NCF2: variants seen among roughly 807,000 people sequenced by gnomAD.
NCF2 encodes neutrophil cytosol factor 2.
In NCF2, 45 loss-of-function variants were observed where a neutral mutation model predicts 70.9. The observed-to-expected ratio is 0.63, with a 90% CI of 0.50 to 0.81. NCF2 has a LOEUF of 0.81. Among genes scored for constraint, NCF2 ranks in the 40% least tolerant of loss-of-function variants. NCF2 has a pLI of 0.00. For missense variants in NCF2, 522 were observed against 631.6 expected (o/e 0.83, Z 1.86); for synonymous variants, 203 against 233.6 (o/e 0.87, Z 1.19).
Position 183,557,802 on chromosome 1 carries a change from G to A in NCF2, c.1469-1572C>T, listed in dbSNP as rs995532752. On this transcript the variant is annotated intron_variant, in intron 14 of 14. Transcript: ENST00000367535. ...AGGCACCTTTAAAGTGGCACTTGGA[G>A]GTGTTCAACCCAGTTCTTCCCACTG... Among the ~76,000 whole-genome samples, 3 of 152,108 alleles carry A rather than the reference G, an allele frequency of 2.0e-5. No individual in the cohort carries two copies. In the South Asian group the frequency reaches 6.2e-4, roughly 32 times the overall value.
intron 2 of NCF2, 103 bp downstream of exon 2, chr1:183,586,792 A>G: frequency 9.5e-7 from 1 of 1,047,970 alleles, no homozygotes; most frequent in Non-Finnish European, 1.5e-6. Context: ...ACATTTCCCA[A>G]CAGAGGTTGG....
At position 183,567,210 on chromosome 1, in the gene NCF2, G is replaced by A. The variant is rs767437169; in HGVS notation, c.849C>T (p.Asn283=). Residue 283 remains asparagine, a synonymous_variant, in exon 8 of 15, where the codon AAC becomes AAT. Transcript: ENST00000367535. ...GNDNWATVMF[N]GQKGLVPCNY... is the part of the protein sequence containing the mutation. ...CCCCTGATCCTCTGCATACCTGCCC[G>A]TTGAACATGACCGTGGCCCAGTTAT... 3.7e-5 allele frequency: 59 copies of A among 1,614,010 alleles called. No homozygotes were observed. The highest frequency in any genetic ancestry group is 4.4e-5 in the South Asian group (4 of 91,076).
chr1:183,559,808 G>T (rs1317792476), intron 14 of NCF2, among the ~76,000 whole-genome samples: 1 of 152,148 alleles, frequency 6.6e-6, no homozygotes, highest in South Asian at 2.1e-4. Context: ...GCAGTGAGCC[G>T]AGATTGTGCC....
intron 2 of NCF2, among the ~76,000 whole-genome samples, chr1:183,581,983 T>A (rs1011782973): frequency 3.9e-5 from 6 of 152,218 alleles, no homozygotes; most frequent in Admixed American, 3.3e-4. Context: ...GTGTCGTTTT[T>A]AAACATGTCT....
intron 2 of NCF2, 31 bp downstream of exon 2, chr1:183,586,864 C>T (rs958297491): frequency 6.2e-7 from 1 of 1,600,284 alleles, no homozygotes; most frequent in Non-Finnish European, 8.6e-7. Context: ...TCTCTGAAAT[C>T]CTCCAGTTGG....
At chr1:183,593,563 A>G (rs7533307), upstream of NCF2, among the ~76,000 whole-genome samples, 148,337 of 152,270 alleles carry the variant, frequency 0.97, 72,271 homozygotes, top group East Asian at 1. Flanking sequence ...TCCTCCGCCC[A>G]TGTAACACTC....
chr1:183,576,721 C>T (rs1305317157), intron 3 of NCF2, among the ~76,000 whole-genome samples: 1 of 152,164 alleles, frequency 6.6e-6, no homozygotes, highest in African/African-American at 2.4e-5. Context: ...TGGGATGGGG[C>T]CATATGTCCC....
At chr1:183,560,336 T>A in intron 13 of NCF2, 63 bp from the exon 14 acceptor site, 1 of 1,563,862 alleles carries the variant, frequency 6.4e-7, no homozygotes, top group Non-Finnish European at 8.8e-7. Context: ...TGAACATCAC[T>A]AAAGGAAACA....
intron 9 of NCF2, among the ~76,000 whole-genome samples, chr1:183,566,234 G>A (rs1672292969): frequency 6.6e-6 from 1 of 152,206 alleles, no homozygotes; most frequent in African/African-American, 2.4e-5. Context: ...TCTAGAGACA[G>A]ACAGTCTCCA....
At chr1:183,599,478 C>CTT in the NCF2 span, among the ~76,000 whole-genome samples, 1 of 125,298 alleles carries the variant, frequency 8.0e-6, no homozygotes, top group South Asian at 2.6e-4. Flanking sequence ...TTCTTTCTTT[C>CTT]TTTCTCTTTT....
chr1:183,580,175 A>C (rs1014008571), intron 2 of NCF2, among the ~76,000 whole-genome samples: 2 of 152,086 alleles, frequency 1.3e-5, no homozygotes, highest in African/African-American at 4.8e-5. Context: ...AAAAGAAGAG[A>C]GCTTGGGTTT....
chr1:183,574,685 G>T, intron 3 of NCF2, 64 bp from the exon 4 acceptor site: 2 of 1,579,640 alleles, frequency 1.3e-6, no homozygotes, highest in Non-Finnish European at 1.7e-6. Context: ...CCAGGGAAAG[G>T]CTCACACGTA....
chr1:183,563,071 T>C lies in NCF2; in HGVS notation c.1290+124A>G, dbSNP rs1445521688. 2.7e-5 allele frequency: 24 copies of C among 877,746 alleles called. No individual in the cohort carries two copies. The Admixed American group carries it at 4.1e-4, about 15-fold the overall frequency. 54.4% of individuals were successfully genotyped at this position (877,746 alleles called of 1,614,324 possible). A position where few individuals can be genotyped will look rare whatever the true frequency, so the allele number is the denominator to read the frequency against. On this transcript the variant is annotated intron_variant, in intron 13 of 14. Transcript: ENST00000367535. ...AAAAGGGAGGCAGAGCTGTGACTTA[T>C]TACACACCATATCCCCAACACCACA...
In NCF2 at chr1:183,560,242, T is replaced by C. The variant is rs1415859903; in HGVS notation, c.1322A>G (p.Glu441Gly). 2 of 1,614,214 alleles carry C rather than the reference T, an allele frequency of 1.2e-6. No individual in the cohort carries two copies. The highest frequency in any genetic ancestry group is 2.2e-5 in the South Asian group (2 of 91,088). ...GDQGFPDEPKESEKADANNQT... is the reference protein window; with the variant it reads ...GDQGFPDEPKGSEKADANNQT... Reference sequence around the variant, plus strand: ...GTTATTAGCATCAGCTTTTTCACTTTCCTTGGGTTCATCTGGAAAGCCTTG... The same window carrying C: ...GTTATTAGCATCAGCTTTTTCACTTCCCTTGGGTTCATCTGGAAAGCCTTG... The change falls in exon 14 of 15, where the codon GAA becomes GGA. Residue 441 changes from glutamate to glycine, a missense_variant. Coordinates refer to ENST00000367535, the MANE Select transcript of NCF2 (RefSeq NM_000433.4).
intron 3 of NCF2, among the ~76,000 whole-genome samples, chr1:183,575,412 C>A (rs1451608640): frequency 6.6e-6 from 1 of 152,136 alleles, no homozygotes; most frequent in South Asian, 2.1e-4. Flanking sequence ...GAGGTTAGCA[C>A]AGAAGCCAGG....
At chr1:183,599,423 CTTCTTTCT>C in the NCF2 span, among the ~76,000 whole-genome samples, 794 of 107,494 alleles carry the variant, frequency 7.4e-3, 8 homozygotes, top group South Asian at 0.023. Context: ...TCTTTCTTTC[CTTCTTTCT>C]TTCTTTCTTT....
At chr1:183,588,432 A>ATG (rs1673477533) in intron 1 of NCF2, among the ~76,000 whole-genome samples, 1 of 148,754 alleles carries the variant, frequency 6.7e-6, no homozygotes, top group African/African-American at 2.5e-5. Context: ...CCGAGATTGC[A>ATG]CCACTGCACT....
chr1:183,598,840 T>G, the NCF2 span, among the ~76,000 whole-genome samples: 1 of 152,146 alleles, frequency 6.6e-6, no homozygotes, highest in Non-Finnish European at 1.5e-5. Context: ...AAACCAGGAA[T>G]CGATAGAATT....
rs151187727 is a variant in NCF2, at chr1:183,557,671, A to G, written c.1469-1441T>C. Among the ~76,000 whole-genome samples, 592 of 152,284 alleles carry G rather than the reference A, an allele frequency of 3.9e-3. 2 individuals are homozygous for G. Among genetic ancestry groups the G allele is most frequent in the Non-Finnish European group, 6.6e-3 (450 of 68,014 alleles). On this transcript the variant is annotated intron_variant, in intron 14 of 14. Coordinates refer to ENST00000367535, the MANE Select transcript of NCF2 (RefSeq NM_000433.4). ...ACAGATAGGTCATAGTAAGACGCATACTGGCTTCTCTCCATATCTACCCAA... is the reference window on the plus strand; with the variant it reads ...ACAGATAGGTCATAGTAAGACGCATGCTGGCTTCTCTCCATATCTACCCAA...
Sources: allele counts gnomAD v4.1 joint callset (sites outside exome capture counted in the v4.1 genomes callset), GRCh38; gene constraint gnomAD v4.1.1; transcripts MANE v1.5; gene names NCBI Gene and HGNC (gene_info 2026-07-23, HGNC 2026-07-21).